AP3D1: variants seen among roughly 807,000 people sequenced by gnomAD.
AP3D1 encodes AP-3 complex subunit delta-1.
Under a neutral mutation model 147.6 loss-of-function variants are expected in AP3D1, and 51 were observed. The observed-to-expected ratio is 0.35, with a 90% confidence interval of 0.28 to 0.44. The LOEUF (loss-of-function observed/expected upper bound fraction) is 0.44. Among genes scored for constraint, AP3D1 ranks in the 20% least tolerant of loss-of-function variants. The pLI is 1.00. For missense variants in AP3D1, 1,421 were observed against 1,624.2 expected, an observed-to-expected ratio of 0.87 and a Z score of 2.15; for synonymous variants, 760 against 663.0, an observed-to-expected ratio of 1.15 and a Z score of -2.25.
At position 2,140,095 on chromosome 19, in the gene AP3D1, G is replaced by C. The variant is rs2019180642; in HGVS notation, c.97-1381C>G. Among the ~76,000 whole-genome samples, 3 of 152,154 alleles carry C rather than the reference G, an allele frequency of 2.0e-5. No homozygotes were observed. In the South Asian group the frequency reaches 6.2e-4, roughly 32 times the overall value. ...AATTACTACACCTCACCCCAGGACT[G>C]TGCTCCCATCCCCGGAGCAAGGATA... On this transcript the variant is annotated intron_variant, in intron 1 of 31. Transcript: ENST00000643116.
intron 24 of AP3D1, 95 bp downstream of exon 24, chr19:2,112,765 C>A: frequency 1.0e-6 from 1 of 958,840 alleles, no homozygotes; most frequent in Non-Finnish European, 1.5e-6. Flanking sequence ...CAGGGCTGCC[C>A]TGGGACCTGG....
chr19:2,118,106 G>A (rs1453616888), intron 15 of AP3D1, among the ~76,000 whole-genome samples: 2 of 152,188 alleles, frequency 1.3e-5, no homozygotes, highest in Non-Finnish European at 2.9e-5. Context: ...GTTGTCATGA[G>A]CTGAGATCGC....
chr19:2,112,671 T>C (rs1362992463), intron 24 of AP3D1, 189 bp downstream of exon 24: 15 of 555,708 alleles, frequency 2.7e-5, no homozygotes, highest in African/African-American at 3.8e-5. Context: ...TTATGAACCA[T>C]GTGTGAATAA....
At chr19:2,111,589 C>A in intron 25 of AP3D1, 90 bp downstream of exon 25, 1 of 1,463,682 alleles carries the variant, frequency 6.8e-7, no homozygotes, top group Non-Finnish European at 9.2e-7. Context: ...CTGCTCAGTT[C>A]TCTCCCGCAT....
At chr19:2,157,441 CAAAAAAAAAA>C (rs137939397) in intron 1 of AP3D1, among the ~76,000 whole-genome samples, 5 of 101,116 alleles carry the variant, frequency 4.9e-5, no homozygotes, top group East Asian at 3.2e-4. Flanking sequence ...GACTCCGTCT[CAAAAAAAAAA>C]AAAAAAAAAG....
chr19:2,109,219 A>G lies in AP3D1; in HGVS notation c.3351-12T>C. 1 of 1,571,548 alleles carries G rather than the reference A, an allele frequency of 6.4e-7. No individual in the cohort carries two copies. The highest frequency in any genetic ancestry group is 8.6e-7 in the Non-Finnish European group (1 of 1,161,706). ...TAGCAAAGGCGTCACTGTGGGAGGGACAGGGAGGCTGACTGCGGTGGGGCC... is the reference window on the plus strand; with the variant it reads ...TAGCAAAGGCGTCACTGTGGGAGGGGCAGGGAGGCTGACTGCGGTGGGGCC... On this transcript the variant is annotated splice_polypyrimidine_tract_variant and intron_variant, in intron 29 of 31. Coordinates refer to ENST00000643116, the MANE Select transcript of AP3D1 (RefSeq NM_001261826.3).
At chr19:2,127,715 C>A (rs538474010) in intron 8 of AP3D1, among the ~76,000 whole-genome samples, 1 of 152,138 alleles carries the variant, frequency 6.6e-6, no homozygotes, top group African/African-American at 2.4e-5. Context: ...TAGGTAGAGA[C>A]GGGGTTTCAC....
intron 31 of AP3D1, 58 bp from the exon 32 acceptor site, chr19:2,102,326 G>T: frequency 6.8e-7 from 1 of 1,463,180 alleles, no homozygotes. Flanking sequence ...AGGCACGGTG[G>T]CTCAAGTCTG....
chr19:2,105,734 CAGGG>C (rs2018092287), intron 31 of AP3D1, among the ~76,000 whole-genome samples: 1 of 152,140 alleles, frequency 6.6e-6, no homozygotes. Context: ...CTGGTCTCGG[CAGGG>C]AGGAAGTGTG....
chr19:2,118,923 CAACAA>C, intron 14 of AP3D1, 91 bp from the exon 15 acceptor site: 2 of 1,221,580 alleles, frequency 1.6e-6, no homozygotes, highest in Non-Finnish European at 2.3e-6. Flanking sequence ...GGCTCGTCAC[CAACAA>C]GGTGACTCTG....
chr19:2,130,552 G>A lies in AP3D1; in HGVS notation c.463-15C>T, dbSNP rs756153321. 1 of 1,612,996 alleles carries A rather than the reference G, an allele frequency of 6.2e-7. No homozygotes were observed. The highest frequency in any genetic ancestry group is 1.3e-5 in the African/African-American group (1 of 74,916). On this transcript the variant is annotated splice_polypyrimidine_tract_variant and intron_variant, in intron 5 of 31. Coordinates refer to ENST00000643116, the MANE Select transcript of AP3D1 (RefSeq NM_001261826.3). ...GTGTGTGACATCTGCGGGGCAGCGG[G>A]CTTCAGCCTGCGCGGGCTTTCTGCG...
intron 15 of AP3D1, 80 bp from the exon 16 acceptor site, chr19:2,117,447 C>T: frequency 7.0e-7 from 1 of 1,438,688 alleles, no homozygotes; most frequent in Non-Finnish European, 9.1e-7. Context: ...GGTGGCTCAG[C>T]CCCTGGCACA....
rs1160931680 is a variant in AP3D1 at position 2,101,076 on chromosome 19, G to A, written c.*1097C>T. ...TATGTCTCTCTCTTTATACGGGAAT[G>A]TCGATAGCAAATAAATTCTTATGTA... On this transcript the variant is annotated 3_prime_UTR_variant, in exon 32 of 32. Transcript: ENST00000643116. 2.0e-5 allele frequency: 3 copies of A among 152,578 alleles called. No homozygotes were observed. Among genetic ancestry groups the A allele is most frequent in the Admixed American group, 1.3e-4 (2 of 15,282 alleles). 9.5% of individuals were successfully genotyped at this position (152,578 alleles called of 1,614,324 possible). A position where few individuals can be genotyped will look rare whatever the true frequency, so the allele number is the denominator to read the frequency against.
intron 24 of AP3D1, chr19:2,112,177 G>C (rs1568278203): frequency 6.3e-6 from 2 of 319,754 alleles, no homozygotes; most frequent in East Asian, 7.1e-5. Flanking sequence ...CACGCGCACT[G>C]CGCAGATGTT....
chr19:2,158,437 G>A (rs1348816666), intron 1 of AP3D1, among the ~76,000 whole-genome samples: 20 of 150,402 alleles, frequency 1.3e-4, no homozygotes, highest in Admixed American at 1.1e-3. Context: ...GCTCACTGCA[G>A]CCTCAACTCC....
In AP3D1 at chr19:2,102,067, C is replaced by G. The variant is rs2017969052; in HGVS notation, c.*106G>C. 1.2e-6 allele frequency: 1 copy of G among 821,908 alleles called. No homozygotes were observed. The highest frequency in any genetic ancestry group is 2.3e-5 in the Admixed American group (1 of 44,192). 50.9% of individuals were successfully genotyped at this position (821,908 alleles called of 1,614,324 possible). ...CGGACAACATAGAGTTAAATTAACA[C>G]TCAGGCTTGGGTACAGTACACACGA... On this transcript the variant is annotated 3_prime_UTR_variant, in exon 32 of 32. Coordinates refer to ENST00000643116, the MANE Select transcript of AP3D1 (RefSeq NM_001261826.3).
At chr19:2,154,719 C>T (rs1389800321), upstream of AP3D1, among the ~76,000 whole-genome samples, 1 of 152,262 alleles carries the variant, frequency 6.6e-6, no homozygotes, top group East Asian at 1.9e-4. Context: ...AGGTCATGCC[C>T]CATACCCTGG....
At position 2,109,863 on chromosome 19, in the gene AP3D1, T is replaced by C. The variant is rs772109328; in HGVS notation, c.3350+10A>G. ...GTTCGGGGACATAGGGGAGTGGGCCTGGGCCCCACCTGTAGCAGGGAGTGG... is the reference window on the plus strand; with the variant it reads ...GTTCGGGGACATAGGGGAGTGGGCCCGGGCCCCACCTGTAGCAGGGAGTGG... On this transcript the variant is annotated intron_variant, in intron 29 of 31. Transcript: ENST00000643116. 111 of 1,612,318 alleles carry C rather than the reference T, an allele frequency of 6.9e-5. No homozygotes were observed. Among genetic ancestry groups the C allele is most frequent in the Non-Finnish European group, 9.2e-5 (109 of 1,179,406 alleles).
intron 9 of AP3D1, among the ~76,000 whole-genome samples, chr19:2,125,330 T>A (rs1022425267): frequency 2.0e-5 from 3 of 152,154 alleles, no homozygotes; most frequent in Non-Finnish European, 4.4e-5. Flanking sequence ...TGTTTCGTTT[T>A]TTGAGAAGAA....
Sources: allele counts gnomAD v4.1 joint callset (sites outside exome capture counted in the v4.1 genomes callset), GRCh38; gene constraint gnomAD v4.1.1; transcripts MANE v1.5; gene names NCBI Gene and HGNC (gene_info 2026-07-23, HGNC 2026-07-21).